Variants in MYO1D observed in about 807,000 individuals in gnomAD.
The protein encoded by MYO1D is unconventional myosin-Id.
MYO1D carries 83 observed loss-of-function variants against 122.0 expected under a neutral mutation model. The observed-to-expected ratio is 0.68, with a 90% CI of 0.57 to 0.82. The LOEUF is 0.82. Ranked by LOEUF, MYO1D falls within the 40% of genes least tolerant of loss-of-function variation. The pLI, the probability that MYO1D is intolerant of heterozygous loss-of-function variation, is 0.00. For synonymous variants in MYO1D, 464 were observed against 446.9 expected (o/e 1.04, Z -0.48); for missense variants, 1,157 against 1,269.5 (o/e 0.91, Z 1.35).
At chr17:32,557,793 A>G (rs2087081656) in intron 21 of MYO1D, among the ~76,000 whole-genome samples, 1 of 152,108 alleles carries the variant, frequency 6.6e-6, no homozygotes, top group African/African-American at 2.4e-5. Context: ...TTTGGACATA[A>G]TTATATAATG....
At chr17:32,722,323 T>C (rs910368794) in intron 14 of MYO1D, among the ~76,000 whole-genome samples, 1 of 152,234 alleles carries the variant, frequency 6.6e-6, no homozygotes, top group African/African-American at 2.4e-5. Flanking sequence ...TTATCTCACA[T>C]TTCTGGAGGT....
intron 20 of MYO1D, 130 bp from the exon 21 acceptor site, chr17:32,605,371 G>C: frequency 1.3e-6 from 1 of 743,760 alleles, no homozygotes; most frequent in Non-Finnish European, 2.0e-6. Flanking sequence ...GATACAGGAT[G>C]ATCATTTGAG....
chr17:32,774,352 C>T (rs1476910340), intron 4 of MYO1D, among the ~76,000 whole-genome samples: 1 of 152,082 alleles, frequency 6.6e-6, no homozygotes, highest in Non-Finnish European at 1.5e-5. Flanking sequence ...AACAGAGGTC[C>T]CTAAAACTTT....
chr17:32,832,970 G>A (rs2090786909), intron 1 of MYO1D, among the ~76,000 whole-genome samples: 1 of 152,082 alleles, frequency 6.6e-6, no homozygotes, highest in South Asian at 2.1e-4. Context: ...TGTTGTATAT[G>A]GTACTCCCCC....
At chr17:32,509,349 C>T (rs1330156193) in intron 21 of MYO1D, among the ~76,000 whole-genome samples, 1 of 152,150 alleles carries the variant, frequency 6.6e-6, no homozygotes, top group African/African-American at 2.4e-5. Flanking sequence ...TTAGCTGCTG[C>T]CTCCCCACTG....
chr17:32,876,054 C>A (rs2091225367), intron 1 of MYO1D, among the ~76,000 whole-genome samples: 1 of 152,142 alleles, frequency 6.6e-6, no homozygotes, highest in Admixed American at 6.5e-5. Flanking sequence ...AACACAAGAG[C>A]TCCATCCACT....
intron 16 of MYO1D, among the ~76,000 whole-genome samples, chr17:32,686,910 T>G (rs1160965496): frequency 6.7e-6 from 1 of 150,120 alleles, no homozygotes; most frequent in African/African-American, 2.5e-5. Flanking sequence ...GAGGCTGCAG[T>G]GCCATAATTG....
At chr17:32,538,466 A>ATT (rs1429219613) in intron 21 of MYO1D, among the ~76,000 whole-genome samples, 160 of 134,676 alleles carry the variant, frequency 1.2e-3, no homozygotes, top group African/African-American at 4.5e-3. Context: ...TATTATTATT[A>ATT]TTATTTTTTT....
chr17:32,739,471 C>T (rs9900765), intron 13 of MYO1D, among the ~76,000 whole-genome samples: 5,392 of 133,282 alleles, frequency 0.04, 340 homozygotes, highest in African/African-American at 0.14. Flanking sequence ...GGAAGGGGAA[C>T]GTCACACACC....
intron 20 of MYO1D, among the ~76,000 whole-genome samples, chr17:32,612,903 G>A (rs117035185): frequency 4.2e-4 from 63 of 151,744 alleles, no homozygotes; most frequent in Non-Finnish European, 8.5e-4. Context: ...CATGCAGCTG[G>A]GACCACAGGA....
At chr17:32,691,404 C>CTTTT (rs57902806) in intron 16 of MYO1D, among the ~76,000 whole-genome samples, 12 of 110,420 alleles carry the variant, frequency 1.1e-4, no homozygotes, top group Non-Finnish European at 1.6e-4. Flanking sequence ...AAAGAAAATT[C>CTTTT]TTTTTTTTTT....
rs566867055 is a variant in MYO1D, at chr17:32,589,805, A to G, written c.2864+15282T>C. Among the ~76,000 whole-genome samples, 27 of 152,328 alleles carry G rather than the reference A, an allele frequency of 1.8e-4. 1 individual carries two copies. Among genetic ancestry groups the G allele is most frequent in the African/African-American group, 6.3e-4 (26 of 41,586 alleles). On this transcript the variant is annotated intron_variant, in intron 21 of 21. Coordinates refer to ENST00000318217, the MANE Select transcript of MYO1D (RefSeq NM_015194.3). ...AAAGGGGTGGCAAAATAACAATTTC[A>G]GGGAAGCTACAAAAGCTAAAGAATT...
At chr17:32,586,256 T>C (rs150920194) in intron 21 of MYO1D, among the ~76,000 whole-genome samples, 2 of 152,160 alleles carry the variant, frequency 1.3e-5, no homozygotes, top group African/African-American at 4.8e-5. Flanking sequence ...GGGGGAAAAA[T>C]TAATCTGATA....
chr17:32,699,199 G>A (rs958594864), intron 16 of MYO1D, among the ~76,000 whole-genome samples: 7 of 151,896 alleles, frequency 4.6e-5, no homozygotes, highest in African/African-American at 1.7e-4. Context: ...TCCCGACCTC[G>A]TGATCCCCCT....
intron 19 of MYO1D, among the ~76,000 whole-genome samples, chr17:32,644,893 G>A (rs1464883230): frequency 6.6e-6 from 1 of 152,084 alleles, no homozygotes; most frequent in African/African-American, 2.4e-5. Context: ...CTTTTAATTG[G>A]AGCATTTTGC....
At chr17:32,628,569 A>C (rs2087958846) in intron 20 of MYO1D, among the ~76,000 whole-genome samples, 1 of 152,264 alleles carries the variant, frequency 6.6e-6, no homozygotes, top group African/African-American at 2.4e-5. Context: ...ATGAAGATCA[A>C]GCTTTGTCTC....
chr17:32,806,952 A>G (rs2090519516), intron 1 of MYO1D, among the ~76,000 whole-genome samples: 1 of 152,242 alleles, frequency 6.6e-6, no homozygotes, highest in Admixed American at 6.5e-5. Flanking sequence ...TAAATAACAT[A>G]GGATGTATAA....
chr17:32,787,640 A>G (rs2090311498), intron 1 of MYO1D, among the ~76,000 whole-genome samples: 1 of 152,112 alleles, frequency 6.6e-6, no homozygotes, highest in Admixed American at 6.5e-5. Flanking sequence ...GATGGTCTCA[A>G]TATCTTGACC....
intron 1 of MYO1D, among the ~76,000 whole-genome samples, chr17:32,795,605 G>A (rs182622120): frequency 2.4e-4 from 36 of 152,210 alleles, no homozygotes; most frequent in Non-Finnish European, 4.0e-4. Flanking sequence ...AATCACCATA[G>A]CATTATTTAG....
Sources: gnomAD v4.1 joint callset for allele counts (sites outside exome capture counted in the v4.1 genomes callset) on GRCh38, gnomAD v4.1.1 for gene constraint, MANE v1.5 for transcripts, NCBI Gene and HGNC (gene_info 2026-07-23, HGNC 2026-07-21) for gene names.